The following GALNT18 variants were observed in gnomAD, a reference collection of about 807,000 sequenced individuals.
GALNT18 encodes the protein GalNAc-transferase 18.
In GALNT18, 44 loss-of-function variants were observed where a neutral mutation model predicts 69.5. The ratio of observed to expected loss-of-function variants is 0.63; its 90% confidence interval spans 0.50 to 0.81. The LOEUF (loss-of-function observed/expected upper bound fraction) is 0.81. GALNT18 is among the 40% of genes least tolerant of loss of function. The probability of loss-of-function intolerance (pLI) is 0.00; values close to 1 mark genes in which losing one functional copy is unlikely to be tolerated. For missense variants in GALNT18, 715 were observed against 810.0 expected (o/e 0.88, Z 1.42); for synonymous variants, 364 against 318.2 (o/e 1.14, Z -1.53).
At chr11:11,398,716 G>T (rs1330527506) in intron 3 of GALNT18, among the ~76,000 whole-genome samples, 3 of 152,178 alleles carry the variant, frequency 2.0e-5, no homozygotes. Flanking sequence ...GAGAAGAAAA[G>T]GTTGGAAAAC....
intron 9 of GALNT18, among the ~76,000 whole-genome samples, chr11:11,316,351 A>G (rs7945621): frequency 0.59 from 89,684 of 152,016 alleles, 27,388 homozygotes; most frequent in Admixed American, 0.74. Flanking sequence ...AATTCTTGGC[A>G]CACAAAGGAA....
rs929812261 is a variant in GALNT18 at position 11,347,570 on chromosome 11, C to T, written c.1093-6566G>A. On this transcript the variant is annotated intron_variant, in intron 6 of 10. Transcript: ENST00000227756. This position sits in a 1 kb window ranked among gnomAD's most constrained non-coding sequence, Gnocchi z 4.0. ...TCAGCCTTGTACTTCATAGCCACAT[C>T]CACAAGATCAGATCTCAGATACTGT... Among the ~76,000 whole-genome samples the T allele has an allele frequency of 1.3e-5, 2 of 152,194 alleles. No homozygotes were observed. The highest frequency in any genetic ancestry group is 4.8e-5 in the African/African-American group (2 of 41,452).
At chr11:11,292,123 A>G (rs1808567042) in intron 10 of GALNT18, among the ~76,000 whole-genome samples, 1 of 152,130 alleles carries the variant, frequency 6.6e-6, no homozygotes, top group Admixed American at 6.5e-5. Context: ...TCCCTCCCGA[A>G]CTTCCCTGGG....
At position 11,372,447 on chromosome 11, in the gene GALNT18, T is replaced by G; in HGVS notation, c.1092+68A>C. Reference sequence around the variant, plus strand: ...GACCCTCAACCTTAAACCCCATTTCTCCACCCCCAGACTCATTCACCCTGG... The same window carrying G: ...GACCCTCAACCTTAAACCCCATTTCGCCACCCCCAGACTCATTCACCCTGG... On this transcript the variant is annotated intron_variant, in intron 6 of 10. Coordinates refer to ENST00000227756, the MANE Select transcript of GALNT18 (RefSeq NM_198516.3). The surrounding 1 kb of genome is among the most constrained non-coding windows in gnomAD (Gnocchi z 4.9). 8.2e-7 allele frequency: 1 copy of G among 1,224,748 alleles called. No homozygotes were observed. The highest frequency in any genetic ancestry group is 1.2e-6 in the Non-Finnish European group (1 of 829,014). 75.9% of individuals were successfully genotyped at this position (1,224,748 alleles called of 1,614,324 possible). A position where few individuals can be genotyped will look rare whatever the true frequency, so the allele number is the denominator to read the frequency against.
intron 3 of GALNT18, among the ~76,000 whole-genome samples, chr11:11,398,989 C>G (rs1051988423): frequency 6.6e-6 from 1 of 152,114 alleles, no homozygotes; most frequent in Non-Finnish European, 1.5e-5. Flanking sequence ...GAAGGTGGAG[C>G]CAACCCTAAA....
In GALNT18 at chr11:11,444,559, A is replaced by G. The variant is rs899592261; in HGVS notation, c.428+4185T>C. Among the ~76,000 whole-genome samples, 1 of 152,128 alleles carries G rather than the reference A, an allele frequency of 6.6e-6. No individual in the cohort carries two copies. Among genetic ancestry groups the G allele is most frequent in the Non-Finnish European group, 1.5e-5 (1 of 68,024 alleles). ...TGGCTGGACCGATGTTTTTCCTTCTAGTTGTGTCCTGTCTTGTCTATAAGG... is the reference window on the plus strand; with the variant it reads ...TGGCTGGACCGATGTTTTTCCTTCTGGTTGTGTCCTGTCTTGTCTATAAGG... On this transcript the variant is annotated intron_variant, in intron 2 of 10. Coordinates refer to ENST00000227756, the MANE Select transcript of GALNT18 (RefSeq NM_198516.3). This position sits in a 1 kb window ranked among gnomAD's most constrained non-coding sequence, Gnocchi z 4.4.
At chr11:11,464,444 T>C (rs1200888464) in intron 1 of GALNT18, among the ~76,000 whole-genome samples, 1 of 152,184 alleles carries the variant, frequency 6.6e-6, no homozygotes, top group Non-Finnish European at 1.5e-5. Context: ...CAGCCTGTCT[T>C]GGTCCCATGA....
rs72856697 is a variant in GALNT18 at position 11,397,310 on chromosome 11, G to A, written c.596-18046C>T. ...TATTCACAGAGCCTGGGTTTTAGTA[G>A]ACAGATATCAAAGAGTGTATGGGAA... On this transcript the variant is annotated intron_variant, in intron 3 of 10. Transcript: ENST00000227756. Among the ~76,000 whole-genome samples the A allele has an allele frequency of 1.7e-3, 264 of 152,264 alleles. 1 individual carries two copies. The highest frequency in any genetic ancestry group is 2.8e-3 in the Non-Finnish European group (193 of 68,018).
intron 3 of GALNT18, among the ~76,000 whole-genome samples, chr11:11,391,553 C>T (rs972295519): frequency 2.0e-5 from 3 of 152,218 alleles, no homozygotes; most frequent in African/African-American, 7.2e-5. Context: ...GCCTCACTTT[C>T]TGATTTAAGG....
At position 11,470,789 on chromosome 11, in the gene GALNT18, A is replaced by C. The variant is rs1317579541; in HGVS notation, c.236-21853T>G. Among the ~76,000 whole-genome samples the C allele has an allele frequency of 6.6e-6, 1 of 152,142 alleles. No homozygotes were observed. The highest frequency in any genetic ancestry group is 1.5e-5 in the Non-Finnish European group (1 of 68,020). ...AGACTACAGAACAGGAAGGACTGCC[A>C]GGAAGTCAGGTACCATGGTGTCTCC... On this transcript the variant is annotated intron_variant, in intron 1 of 10. Coordinates refer to ENST00000227756, the MANE Select transcript of GALNT18 (RefSeq NM_198516.3). This position sits in a 1 kb window ranked among gnomAD's most constrained non-coding sequence, Gnocchi z 4.8.
intron 1 of GALNT18, among the ~76,000 whole-genome samples, chr11:11,513,611 C>A (rs1045378235): frequency 2.0e-5 from 3 of 152,216 alleles, no homozygotes; most frequent in Non-Finnish European, 4.4e-5. Flanking sequence ...GTCTTCTCTG[C>A]CAAGCCTCAA....
chr11:11,470,327 G>A lies in GALNT18; in HGVS notation c.236-21391C>T, dbSNP rs554264892. ...TCTGTCTCTACATAGTCCTGTGCAG[G>A]CATGGAGGAAATTGTACGGTCATGC... On this transcript the variant is annotated intron_variant, in intron 1 of 10. Transcript: ENST00000227756. The surrounding 1 kb of genome is among the most constrained non-coding windows in gnomAD (Gnocchi z 4.8). 9.2e-5 allele frequency among the ~76,000 whole-genome samples: 14 copies of A among 152,302 alleles called. No homozygotes were observed. Among genetic ancestry groups the A allele is most frequent in the African/African-American group, 3.4e-4 (14 of 41,578 alleles).
In GALNT18 at chr11:11,583,485, G is replaced by C. The variant is rs374809191; in HGVS notation, c.235+37874C>G. Among the ~76,000 whole-genome samples, 9 of 152,292 alleles carry C rather than the reference G, an allele frequency of 5.9e-5. No individual in the cohort carries two copies. In the South Asian group the frequency reaches 1.7e-3, roughly 28 times the overall value. Reference sequence around the variant, plus strand: ...AATCCACGGGGTAAAAAGGTTTCTAGCTCTGTTTCTGGCTGGAAAGTGCAC... The same window carrying C: ...AATCCACGGGGTAAAAAGGTTTCTACCTCTGTTTCTGGCTGGAAAGTGCAC... On this transcript the variant is annotated intron_variant, in intron 1 of 10. Coordinates refer to ENST00000227756, the MANE Select transcript of GALNT18 (RefSeq NM_198516.3). This position sits in a 1 kb window ranked among gnomAD's most constrained non-coding sequence, Gnocchi z 4.7.
intron 9 of GALNT18, among the ~76,000 whole-genome samples, chr11:11,313,846 TAGAA>T (rs1849707662): frequency 6.6e-6 from 1 of 152,132 alleles, no homozygotes; most frequent in Non-Finnish European, 1.5e-5. Context: ...ACAAAGCACT[TAGAA>T]AGATGCCTAG....
In GALNT18 at chr11:11,590,210, A is replaced by C. The variant is rs1302251481; in HGVS notation, c.235+31149T>G. Among the ~76,000 whole-genome samples the C allele has an allele frequency of 6.6e-6, 1 of 152,190 alleles. No individual in the cohort carries two copies. Among genetic ancestry groups the C allele is most frequent in the African/African-American group, 2.4e-5 (1 of 41,432 alleles). On this transcript the variant is annotated intron_variant, in intron 1 of 10. Coordinates refer to ENST00000227756, the MANE Select transcript of GALNT18 (RefSeq NM_198516.3). This position sits in a 1 kb window ranked among gnomAD's most constrained non-coding sequence, Gnocchi z 4.4. ...GCTACATGGCTGATTCTGTGAATAA[A>C]ATGTGGTGGAAATTAGGTGCTCCAT... is the stretch of plus-strand genomic sequence containing the variant.
intron 1 of GALNT18, among the ~76,000 whole-genome samples, chr11:11,509,770 A>G (rs929786824): frequency 7.2e-5 from 11 of 152,234 alleles, no homozygotes; most frequent in African/African-American, 2.7e-4. Context: ...ACATGCTGGC[A>G]TATCTGAATT....
chr11:11,435,778 G>A lies in GALNT18; in HGVS notation c.429-2991C>T, dbSNP rs1035123698. 4.6e-5 allele frequency among the ~76,000 whole-genome samples: 7 copies of A among 152,168 alleles called. No homozygotes were observed. Among genetic ancestry groups the A allele is most frequent in the Non-Finnish European group, 1.0e-4 (7 of 68,036 alleles). ...ACAAACCTCCTCCCTTGGAAGGAGA[G>A]TCAGGTCCCGGTCCTCCCGCCGACC... On this transcript the variant is annotated intron_variant, in intron 2 of 10. Coordinates refer to ENST00000227756, the MANE Select transcript of GALNT18 (RefSeq NM_198516.3). This position sits in a 1 kb window ranked among gnomAD's most constrained non-coding sequence, Gnocchi z 4.4.
chr11:11,522,795 G>A (rs147376843), intron 1 of GALNT18, among the ~76,000 whole-genome samples: 13 of 152,188 alleles, frequency 8.5e-5, no homozygotes, highest in African/African-American at 2.9e-4. Flanking sequence ...GCAGCTAGCT[G>A]TGCACAATCT....
chr11:11,273,899 G>A (rs7948181), intron 10 of GALNT18, among the ~76,000 whole-genome samples: 53,697 of 152,010 alleles, frequency 0.35, 10,456 homozygotes, highest in Non-Finnish European at 0.45. Context: ...TGTCAAGATG[G>A]CTGAATAGGA....
Sources: gnomAD v4.1 joint callset for allele counts (sites outside exome capture counted in the v4.1 genomes callset) on GRCh38, gnomAD v4.1.1 for gene constraint, Gnocchi (gnomAD v3.1) non-coding constraint, MANE v1.5 for transcripts, NCBI Gene and HGNC (gene_info 2026-07-23, HGNC 2026-07-21) for gene names.